Variants in ELAVL2 observed in about 807,000 individuals in gnomAD.
ELAVL2 encodes ELAV-like protein 2.
Under a neutral mutation model 34.6 loss-of-function variants are expected in ELAVL2, and 4 were observed. The ratio of observed to expected loss-of-function variants is 0.12; its 90% CI spans 0.06 to 0.26. The LOEUF is 0.26. Ranked by LOEUF, ELAVL2 falls within the 10% of genes least tolerant of loss-of-function variation. The pLI is 1.00. For missense variants in ELAVL2, 432 were observed against 442.8 expected (o/e 0.98, Z 0.22); for synonymous variants, 193 against 154.8 (o/e 1.25, Z -1.83).
Position 23,696,026 on chromosome 9 carries a change from T to A in ELAVL2, c.714-2540A>T, listed in dbSNP as rs529049487. Among the ~76,000 whole-genome samples the A allele has an allele frequency of 2.0e-5, 3 of 152,318 alleles. No homozygotes were observed. The South Asian group carries it at 6.2e-4, about 32-fold the overall frequency. On this transcript the variant is annotated intron_variant, in intron 5 of 6. Transcript: ENST00000397312. ...GATAGGGCATCTTTTTTACCCTATC[T>A]GTGAAGTTTTACATGATACCATGAT...
At chr9:23,736,604 C>T (rs766680218) in intron 2 of ELAVL2, among the ~76,000 whole-genome samples, 5 of 152,150 alleles carry the variant, frequency 3.3e-5, no homozygotes, top group African/African-American at 9.7e-5. Flanking sequence ...ATGTGCAAGA[C>T]GTTCCAGCCC....
chr9:23,743,325 G>A (rs1285172099), intron 2 of ELAVL2, among the ~76,000 whole-genome samples: 1 of 152,122 alleles, frequency 6.6e-6, no homozygotes, highest in East Asian at 1.9e-4. Context: ...TCACACATAA[G>A]CATTTCTTCC....
At chr9:23,813,847 A>G (rs1205057434) in intron 1 of ELAVL2, among the ~76,000 whole-genome samples, 1 of 152,060 alleles carries the variant, frequency 6.6e-6, no homozygotes, top group Non-Finnish European at 1.5e-5. Flanking sequence ...TCAAACGAAT[A>G]TAAAACCTTT....
the ELAVL2 span, chr9:23,849,981 T>A: frequency 6.6e-6 from 1 of 151,930 alleles, no homozygotes; most frequent in African/African-American, 2.4e-5. Flanking sequence ...GGCGCAGAAC[T>A]GGGAAGGCAG....
chr9:23,830,601 TACACACAC>T (rs10525135), upstream of ELAVL2, among the ~76,000 whole-genome samples: 2 of 133,182 alleles, frequency 1.5e-5, no homozygotes, highest in African/African-American at 2.8e-5. Context: ...GCCCCCCACT[TACACACAC>T]ACACACACAC....
intron 3 of ELAVL2, among the ~76,000 whole-genome samples, chr9:23,706,906 T>C (rs2039506572): frequency 6.6e-6 from 1 of 152,172 alleles, no homozygotes. Flanking sequence ...GACCTCGTTA[T>C]CTTTCACACC....
chr9:23,717,040 T>A (rs1235940675), intron 3 of ELAVL2, among the ~76,000 whole-genome samples: 3 of 152,216 alleles, frequency 2.0e-5, no homozygotes, highest in African/African-American at 7.2e-5. Flanking sequence ...TTTCCCATCA[T>A]AACGCAGGTG....
At chr9:23,793,196 G>C (rs973126920) in intron 1 of ELAVL2, among the ~76,000 whole-genome samples, 4 of 152,108 alleles carry the variant, frequency 2.6e-5, no homozygotes, top group African/African-American at 7.2e-5. Context: ...AATCACAAGG[G>C]GCTTGTTATG....
At chr9:23,703,392 C>A (rs1280717132) in intron 4 of ELAVL2, among the ~76,000 whole-genome samples, 1 of 152,166 alleles carries the variant, frequency 6.6e-6, no homozygotes, top group African/African-American at 2.4e-5. Context: ...GATAACAACA[C>A]AGGGTGGCAA....
intron 2 of ELAVL2, among the ~76,000 whole-genome samples, chr9:23,750,340 A>C (rs2051619624): frequency 6.6e-6 from 1 of 150,656 alleles, no homozygotes. Context: ...TATAAAACAC[A>C]GTAACAAATC....
chr9:23,783,920 C>T (rs960518422), intron 1 of ELAVL2, among the ~76,000 whole-genome samples: 3 of 150,400 alleles, frequency 2.0e-5, no homozygotes, highest in East Asian at 4.0e-4. Context: ...ACAGGCCGGG[C>T]GCGGTGGCTC....
At chr9:23,844,727 T>A in the ELAVL2 span, among the ~76,000 whole-genome samples, 1 of 151,972 alleles carries the variant, frequency 6.6e-6, no homozygotes, top group Admixed American at 6.6e-5. Flanking sequence ...TTAAAAGCAT[T>A]AACATTGCCT....
intron 4 of ELAVL2, among the ~76,000 whole-genome samples, chr9:23,702,950 G>GAAAAAAA (rs1164109229): frequency 5.2e-4 from 4 of 7,646 alleles, no homozygotes; most frequent in Non-Finnish European, 1.0e-3. Context: ...CATCAGATTA[G>GAAAAAAA]CAAAAAAAAA....
intron 1 of ELAVL2, among the ~76,000 whole-genome samples, chr9:23,770,358 G>A (rs534986915): frequency 2.6e-5 from 4 of 152,254 alleles, no homozygotes; most frequent in African/African-American, 9.6e-5. Context: ...GCTGTGATAG[G>A]AAGAAAAATC....
intron 2 of ELAVL2, among the ~76,000 whole-genome samples, chr9:23,740,614 C>A (rs919049465): frequency 6.6e-6 from 1 of 151,544 alleles, no homozygotes; most frequent in Non-Finnish European, 1.5e-5. Flanking sequence ...AACTTCAATT[C>A]TTTCTTAATC....
intron 1 of ELAVL2, among the ~76,000 whole-genome samples, chr9:23,764,234 C>CG (rs1482363325): frequency 2.6e-5 from 4 of 152,020 alleles, no homozygotes; most frequent in African/African-American, 9.7e-5. Flanking sequence ...ACAAGAGACC[C>CG]GAATGGGAGA....
intron 1 of ELAVL2, among the ~76,000 whole-genome samples, chr9:23,816,174 G>A (rs113890056): frequency 6.6e-6 from 1 of 151,726 alleles, no homozygotes; most frequent in Non-Finnish European, 1.5e-5. Flanking sequence ...AGAGATTCTA[G>A]CCCCTCAATA....
At chr9:23,704,460 C>A (rs561667774) in intron 4 of ELAVL2, among the ~76,000 whole-genome samples, 1 of 152,226 alleles carries the variant, frequency 6.6e-6, no homozygotes, top group South Asian at 2.1e-4. Context: ...TATGCCCATA[C>A]AGCACAGCAT....
At chr9:23,839,412 G>A in the ELAVL2 span, among the ~76,000 whole-genome samples, 1,037 of 152,064 alleles carry the variant, frequency 6.8e-3, 5 homozygotes, top group Non-Finnish European at 0.011. Flanking sequence ...ATCAATTTTC[G>A]TCCAATTTAT....
Sources: gnomAD v4.1 joint callset for allele counts (sites outside exome capture counted in the v4.1 genomes callset) on GRCh38, gnomAD v4.1.1 for gene constraint, MANE v1.5 for transcripts, NCBI Gene and HGNC (gene_info 2026-07-23, HGNC 2026-07-21) for gene names.